Variants in CRBN observed in about 807,000 individuals in gnomAD.
The protein encoded by CRBN is protein cereblon.
CRBN carries 53 observed loss-of-function variants against 62.2 expected under a neutral mutation model. The observed-to-expected ratio is 0.85, with a 90% confidence interval of 0.68 to 1.07. CRBN has a LOEUF of 1.07. Ranked by LOEUF, CRBN falls within the 50% of genes least tolerant of loss-of-function variation. The probability of loss-of-function intolerance (pLI) is 0.00; values close to 1 mark genes in which losing one functional copy is unlikely to be tolerated. For synonymous variants in CRBN, 208 were observed against 176.1 expected, an observed-to-expected ratio of 1.18 and a Z score of -1.43; for missense variants, 616 against 531.1, an observed-to-expected ratio of 1.16 and a Z score of -1.57.
rs557335251 is a variant in CRBN, at chr3:3,159,785, C to T, written c.688-3504G>A. ...GATTAGCTAGCTAGCTTTTACAGAG[C>T]AACTGCCAAAGTTTAAGACATTTCA... On this transcript the variant is annotated intron_variant, in intron 5 of 10. Coordinates refer to ENST00000231948, the MANE Select transcript of CRBN (RefSeq NM_016302.4). 4.6e-5 allele frequency among the ~76,000 whole-genome samples: 7 copies of T among 152,288 alleles called. No individual in the cohort carries two copies. In the South Asian group the frequency reaches 1.5e-3, roughly 32 times the overall value.
At chr3:3,171,338 A>G (rs1001232881) in intron 4 of CRBN, among the ~76,000 whole-genome samples, 1 of 152,226 alleles carries the variant, frequency 6.6e-6, no homozygotes, top group African/African-American at 2.4e-5. Context: ...TGGAACTGTT[A>G]GCAAAATCCA....
chr3:3,149,790 T>C (rs1706360269), downstream of CRBN: 2 of 152,208 alleles, frequency 1.3e-5, no homozygotes, highest in Admixed American at 1.3e-4. Flanking sequence ...CTTCAAGGCA[T>C]GTATTTTGGC....
At chr3:3,154,887 A>G (rs749457117) in intron 6 of CRBN, 56 bp from the exon 7 acceptor site, 1 of 995,842 alleles carries the variant, frequency 1.0e-6, no homozygotes, top group Non-Finnish European at 1.6e-6. Context: ...AAAATTTACT[A>G]TTAAGCTTTT....
chr3:3,170,986 G>C (rs1036736794), intron 4 of CRBN, among the ~76,000 whole-genome samples: 3 of 152,108 alleles, frequency 2.0e-5, no homozygotes, highest in East Asian at 3.9e-4. Context: ...TGTATTTTTA[G>C]TAGAGATGGG....
At position 3,150,813 on chromosome 3, in the gene CRBN, G is replaced by T; in HGVS notation, c.*52C>A. On this transcript the variant is annotated 3_prime_UTR_variant, in exon 11 of 11. Transcript: ENST00000231948. ...ATCAGAGGCAATAATTTCCAAAGCA[G>T]ATCTTAGAATATAACCAATTTGTTA... 6.4e-7 allele frequency: 1 copy of T among 1,553,502 alleles called. No homozygotes were observed. The highest frequency in any genetic ancestry group is 8.8e-7 in the Non-Finnish European group (1 of 1,135,560).
At chr3:3,156,076 T>G in intron 6 of CRBN, 143 bp downstream of exon 6, 1 of 736,460 alleles carries the variant, frequency 1.4e-6, no homozygotes, top group Non-Finnish European at 2.3e-6. Context: ...AGTGCTGGGA[T>G]TACAGGTGTG....
At chr3:3,176,123 A>C (rs1301083402) in intron 1 of CRBN, among the ~76,000 whole-genome samples, 1 of 152,182 alleles carries the variant, frequency 6.6e-6, no homozygotes, top group African/African-American at 2.4e-5. Context: ...CACTCCCTTG[A>C]AGAGGAAATG....
At chr3:3,167,868 G>T in intron 4 of CRBN, 75 bp from the exon 5 acceptor site, 3 of 1,429,920 alleles carry the variant, frequency 2.1e-6, no homozygotes, top group South Asian at 1.2e-5. Context: ...TCTAAACAGT[G>T]ATAATTTTAA....
At position 3,172,804 on chromosome 3, in the gene CRBN, C is replaced by G; in HGVS notation, c.499G>C (p.Val167Leu). 6.2e-7 allele frequency: 1 copy of G among 1,614,032 alleles called. No individual in the cohort carries two copies. The part of the protein sequence containing the change: ...VKAIGRQRFK[V>L]LELRTQSDGI... ...TCTGACTGTGTTCTTAGCTCAAGGACTTTGAACCTTTGTCTTCCAATTGCT... is the reference window on the plus strand; with the variant it reads ...TCTGACTGTGTTCTTAGCTCAAGGAGTTTGAACCTTTGTCTTCCAATTGCT... Residue 167 changes from valine (V) to leucine (L), a missense_variant, in exon 4 of 11, where the codon GTC (valine) becomes CTC (leucine). By Grantham distance (32) the Val-to-Leu change is conservative. Transcript: ENST00000231948.
chr3:3,175,073 T>G (rs530930024), intron 2 of CRBN, 90 bp downstream of exon 2: 302 of 858,056 alleles, frequency 3.5e-4, no homozygotes, highest in Non-Finnish European at 4.7e-4. Flanking sequence ...TGATATCTAG[T>G]AATACAAATA....
chr3:3,161,135 A>G (rs1247997047), intron 5 of CRBN, among the ~76,000 whole-genome samples: 1 of 152,208 alleles, frequency 6.6e-6, no homozygotes, highest in Non-Finnish European at 1.5e-5. Context: ...ACAAAAAAAC[A>G]GTTCTGTTTG....
At chr3:3,161,685 C>A (rs1052745788) in intron 5 of CRBN, among the ~76,000 whole-genome samples, 2 of 152,184 alleles carry the variant, frequency 1.3e-5, no homozygotes, top group African/African-American at 4.8e-5. Context: ...CTGTGCCTGG[C>A]CTCAAAATTA....
intron 7 of CRBN, 22 bp downstream of exon 7, chr3:3,154,725 G>A (rs1317408964): frequency 7.5e-7 from 1 of 1,341,374 alleles, no homozygotes; most frequent in Non-Finnish European, 1.1e-6. Flanking sequence ...CAGGCTCCAG[G>A]CAGGAAACTA....
intron 5 of CRBN, among the ~76,000 whole-genome samples, chr3:3,165,144 G>T (rs1251064495): frequency 6.6e-6 from 1 of 152,186 alleles, no homozygotes; most frequent in East Asian, 1.9e-4. Flanking sequence ...GAATTGCTGT[G>T]ATCTCATGAT....
chr3:3,162,800 G>A (rs1341311539), intron 5 of CRBN, among the ~76,000 whole-genome samples: 2 of 152,108 alleles, frequency 1.3e-5, no homozygotes, highest in Non-Finnish European at 2.9e-5. Flanking sequence ...CTACTACTCA[G>A]ACACAGAGAC....
At chr3:3,159,862 C>A (rs1193652757) in intron 5 of CRBN, among the ~76,000 whole-genome samples, 1 of 152,184 alleles carries the variant, frequency 6.6e-6, no homozygotes, top group Non-Finnish European at 1.5e-5. Context: ...ATAGGAAAGG[C>A]TCCTGTCTTA....
intron 1 of CRBN, among the ~76,000 whole-genome samples, chr3:3,177,563 A>C (rs919065744): frequency 1.3e-5 from 2 of 152,214 alleles, no homozygotes; most frequent in African/African-American, 2.4e-5. Flanking sequence ...TGTATTTCCA[A>C]CTCTGACAGT....
chr3:3,167,922 A>G, intron 4 of CRBN, 129 bp from the exon 5 acceptor site: 1 of 800,112 alleles, frequency 1.2e-6, no homozygotes, highest in Non-Finnish European at 2.0e-6. Context: ...ATATTCATCA[A>G]ATACTGATGT....
chr3:3,175,848 T>C (rs1221816272), intron 1 of CRBN, among the ~76,000 whole-genome samples: 1 of 152,150 alleles, frequency 6.6e-6, no homozygotes, highest in Non-Finnish European at 1.5e-5. Context: ...AGGATACGTG[T>C]TTTAGGGAGG....
Sources: allele counts gnomAD v4.1 joint callset (sites outside exome capture counted in the v4.1 genomes callset), GRCh38; gene constraint gnomAD v4.1.1; transcripts MANE v1.5; gene names NCBI Gene and HGNC (gene_info 2026-07-23, HGNC 2026-07-21).